The following TBC1D31 variants were observed in gnomAD, a reference collection of about 807,000 sequenced individuals.
TBC1D31 encodes the protein TBC1 domain family member 31.
Under a neutral mutation model 132.9 loss-of-function variants are expected in TBC1D31, and 99 were observed. That is an observed-to-expected ratio of 0.74 (90% CI 0.63 to 0.88). TBC1D31 has a LOEUF of 0.88. Among genes scored for constraint, TBC1D31 ranks in the 40% least tolerant of loss-of-function variants. The probability of loss-of-function intolerance (pLI) is 0.00; values close to 1 mark genes in which losing one functional copy is unlikely to be tolerated. For synonymous variants in TBC1D31, 385 were observed against 419.4 expected (o/e 0.92, Z 1.00); for missense variants, 1,134 against 1,256.6 (o/e 0.90, Z 1.48).
intron 17 of TBC1D31, 147 bp from the exon 18 acceptor site, chr8:123,140,614 G>T: frequency 1.6e-6 from 1 of 644,578 alleles, no homozygotes. Context: ...TGCCATTTTT[G>T]CTGATGTCTC....
At chr8:123,076,005 A>G (rs977580217) in intron 1 of TBC1D31, among the ~76,000 whole-genome samples, 3 of 152,266 alleles carry the variant, frequency 2.0e-5, no homozygotes, top group Non-Finnish European at 4.4e-5. Flanking sequence ...TAAAAGATAG[A>G]AAAGTAGAAA....
At chr8:123,108,930 A>T (rs988467433) in intron 8 of TBC1D31, among the ~76,000 whole-genome samples, 5 of 152,180 alleles carry the variant, frequency 3.3e-5, no homozygotes, top group Non-Finnish European at 7.3e-5. Flanking sequence ...TCTCGTGAGA[A>T]CTATCATGAG....
chr8:123,147,345 G>T (rs994098054), intron 20 of TBC1D31, among the ~76,000 whole-genome samples: 1 of 152,000 alleles, frequency 6.6e-6, no homozygotes, highest in African/African-American at 2.4e-5. Context: ...GCTAATTTTT[G>T]TATTTTTAGT....
chr8:123,099,127 T>G lies in TBC1D31; in HGVS notation c.832-1680T>G, dbSNP rs532679354. ...TTTTTTGTTTTGGTTTGGTTTTTGG[T>G]TTTTGGTTTTGAGACGGAGTCTCGC... On this transcript the variant is annotated intron_variant, in intron 6 of 21. Transcript: ENST00000287380. 2.6e-5 allele frequency among the ~76,000 whole-genome samples: 4 copies of G among 152,120 alleles called. No individual in the cohort carries two copies. The South Asian group carries it at 8.3e-4, about 32-fold the overall frequency.
chr8:123,138,790 G>T (rs1169005115), intron 17 of TBC1D31, among the ~76,000 whole-genome samples: 1 of 151,950 alleles, frequency 6.6e-6, no homozygotes, highest in Non-Finnish European at 1.5e-5. Context: ...TTTACTTAAA[G>T]TATGTATGGG....
chr8:123,106,293 A>G (rs1817917174), intron 8 of TBC1D31, among the ~76,000 whole-genome samples: 1 of 152,214 alleles, frequency 6.6e-6, no homozygotes, highest in African/African-American at 2.4e-5. Context: ...TCCACCTGGC[A>G]CATGACCATC....
In TBC1D31 at chr8:123,117,521, G is replaced by A. The variant is rs572189976; in HGVS notation, c.1437-2534G>A. On this transcript the variant is annotated intron_variant, in intron 10 of 21. Coordinates refer to ENST00000287380, the MANE Select transcript of TBC1D31 (RefSeq NM_145647.4). ...TGTAATCCCAGCACTTTGGGAGGCC[G>A]AGACGGGCGGATGACGAGGTCAGGA... 7.9e-5 allele frequency among the ~76,000 whole-genome samples: 12 copies of A among 151,758 alleles called. No individual in the cohort carries two copies. The East Asian group carries it at 1.8e-3, about 22-fold the overall frequency.
rs3080678 is a variant in TBC1D31, at chr8:123,144,926, A to ATTTT, written c.2974+83_2974+86dup. 1.4e-3 allele frequency: 1,603 copies of ATTTT among 1,142,836 alleles called. 11 individuals are homozygous for ATTTT. In the African/African-American group the frequency reaches 0.025, roughly 18 times the overall value. The allele number at this position is 1,142,836 out of a possible 1,614,324, so 70.8% of individuals were successfully genotyped here. On this transcript the variant is annotated intron_variant, in intron 20 of 21. Transcript: ENST00000287380. Reference sequence around the variant, plus strand: ...TCTTTTAGTAGGGTCTATTATTATGATTTTTTTTTTTTTTTGAGATAGGGT... The same window carrying ATTTT: ...TCTTTTAGTAGGGTCTATTATTATGATTTTTTTTTTTTTTTTTTTGAGATAGGGT...
At chr8:123,146,165 C>T (rs1404989854) in intron 20 of TBC1D31, among the ~76,000 whole-genome samples, 4 of 152,130 alleles carry the variant, frequency 2.6e-5, no homozygotes, top group East Asian at 1.9e-4. Flanking sequence ...CAGCACCGCA[C>T]GCAGCCTAAT....
chr8:123,157,186 G>A, the TBC1D31 span, among the ~76,000 whole-genome samples: 2 of 152,154 alleles, frequency 1.3e-5, no homozygotes, highest in Non-Finnish European at 2.9e-5. Flanking sequence ...AGCAAACAAC[G>A]CTTCTTTCCG....
At chr8:123,123,434 G>A (rs908486118) in intron 11 of TBC1D31, 1 of 162,410 alleles carries the variant, frequency 6.2e-6, no homozygotes, top group African/African-American at 2.4e-5. Context: ...ATATTGCCTT[G>A]AAATCAAAGG....
Position 123,124,304 on chromosome 8 carries a change from C to T in TBC1D31, c.1571-1752C>T, listed in dbSNP as rs375413366. Among the ~76,000 whole-genome samples, 6 of 152,306 alleles carry T rather than the reference C, an allele frequency of 3.9e-5. No homozygotes were observed. In the East Asian group the frequency reaches 1.2e-3, roughly 29 times the overall value. On this transcript the variant is annotated intron_variant, in intron 11 of 21. Coordinates refer to ENST00000287380, the MANE Select transcript of TBC1D31 (RefSeq NM_145647.4). ...AAGTCTTTTTTAGACACTAGAGTCTCTTTTATGACCAGACATAAAGTCTTT... is the reference window on the plus strand; with the variant it reads ...AAGTCTTTTTTAGACACTAGAGTCTTTTTTATGACCAGACATAAAGTCTTT...
rs1822831165 is a variant in TBC1D31 at position 123,151,999 on chromosome 8, T to G, written c.*60T>G. The G allele has an allele frequency of 2.2e-6, 3 of 1,333,808 alleles. No homozygotes were observed. Among genetic ancestry groups the G allele is most frequent in the Non-Finnish European group, 2.0e-6 (2 of 1,024,914 alleles). The allele number at this position is 1,333,808 out of a possible 1,614,324, so 82.6% of individuals were successfully genotyped here. ...CCTATTTTGCAATCAGTGACATTGA[T>G]TTTTAGATTATTTATTTAAAATTCC... On this transcript the variant is annotated 3_prime_UTR_variant, in exon 22 of 22. Transcript: ENST00000287380.
At chr8:123,080,543 T>C (rs1815034067) in intron 2 of TBC1D31, among the ~76,000 whole-genome samples, 1 of 137,646 alleles carries the variant, frequency 7.3e-6, no homozygotes, top group East Asian at 2.1e-4. Context: ...TTTTTTTTTT[T>C]TTTTTTTTTT....
chr8:123,162,822 T>C, the TBC1D31 span, among the ~76,000 whole-genome samples: 5 of 151,790 alleles, frequency 3.3e-5, no homozygotes, highest in African/African-American at 1.2e-4. Flanking sequence ...ACAGCAAGCA[T>C]GTGTTTTCCT....
chr8:123,160,678 A>T, the TBC1D31 span, among the ~76,000 whole-genome samples: 9 of 152,088 alleles, frequency 5.9e-5, no homozygotes, highest in Non-Finnish European at 1.3e-4. Flanking sequence ...GCCTAGGGAC[A>T]CACCGCGCCA....
Position 123,093,714 on chromosome 8 carries a change from A to ATAT in TBC1D31, c.647_649dup (p.Leu216dup). The stretch of plus-strand genomic sequence containing the variant: ...GCCAGCTCCACCTGAAAGCTCTAGT[A>ATAT]TATTATACAAAGTGTTTGCTGTAAC... On this transcript the variant is annotated inframe_insertion, in exon 5 of 22. Coordinates refer to ENST00000287380, the MANE Select transcript of TBC1D31 (RefSeq NM_145647.4). The ATAT allele has an allele frequency of 1.2e-6, 2 of 1,605,064 alleles. No individual in the cohort carries two copies. Among genetic ancestry groups the ATAT allele is most frequent in the Middle Eastern group, 3.3e-4 (2 of 6,020 alleles).
chr8:123,138,832 C>CA (rs539910685), intron 17 of TBC1D31, among the ~76,000 whole-genome samples: 203 of 152,144 alleles, frequency 1.3e-3, no homozygotes, highest in Non-Finnish European at 2.2e-3. Context: ...GTTTTTGAGA[C>CA]AGAGTCCCAC....
intron 15 of TBC1D31, 30 bp downstream of exon 15, chr8:123,129,248 G>A: frequency 7.1e-7 from 1 of 1,413,416 alleles, no homozygotes. Context: ...AAAAAAATCT[G>A]GACATATAAG....
Sources: allele counts gnomAD v4.1 joint callset (sites outside exome capture counted in the v4.1 genomes callset), GRCh38; gene constraint gnomAD v4.1.1; transcripts MANE v1.5; gene names NCBI Gene and HGNC (gene_info 2026-07-23, HGNC 2026-07-21).